The following NTNG1 variants were observed in gnomAD, a reference collection of about 807,000 sequenced individuals.
NTNG1 encodes the protein netrin G1.
A neutral mutation model predicts 54.0 loss-of-function variants in NTNG1; 16 were observed. That is an observed-to-expected ratio of 0.30 (90% CI 0.20 to 0.45). The LOEUF (loss-of-function observed/expected upper bound fraction) is 0.45, where lower values mean the gene tolerates loss of function less well. Ranked by LOEUF, NTNG1 falls within the 20% of genes least tolerant of loss-of-function variation. NTNG1 has a pLI of 1.00. For synonymous variants in NTNG1, 255 were observed against 263.1 expected (o/e 0.97, Z 0.30); for missense variants, 530 against 678.7 (o/e 0.78, Z 2.43).
At chr1:107,445,227 T>C (rs1197636462) in intron 7 of NTNG1, among the ~76,000 whole-genome samples, 1 of 152,022 alleles carries the variant, frequency 6.6e-6, no homozygotes, top group Non-Finnish European at 1.5e-5. Context: ...GGGGTCTTGT[T>C]CTAGGTGTAA....
At chr1:107,167,000 A>G (rs1655846667) in intron 2 of NTNG1, among the ~76,000 whole-genome samples, 1 of 152,156 alleles carries the variant, frequency 6.6e-6, no homozygotes, top group South Asian at 2.1e-4. Flanking sequence ...AACCTGCTCT[A>G]GGTCGTAATC....
At chr1:107,194,678 T>C (rs987295780) in intron 2 of NTNG1, among the ~76,000 whole-genome samples, 7 of 152,058 alleles carry the variant, frequency 4.6e-5, no homozygotes, top group Non-Finnish European at 7.4e-5. Flanking sequence ...TGTTAAGTCT[T>C]CACAATGTTT....
intron 3 of NTNG1, among the ~76,000 whole-genome samples, chr1:107,372,201 A>C (rs1670961986): frequency 6.6e-6 from 1 of 151,888 alleles, no homozygotes; most frequent in South Asian, 2.1e-4. Context: ...CATTAAGCAT[A>C]CTTTGGGCTT....
At chr1:107,363,769 A>G (rs913110759) in intron 3 of NTNG1, among the ~76,000 whole-genome samples, 5 of 152,202 alleles carry the variant, frequency 3.3e-5, no homozygotes, top group African/African-American at 1.2e-4. Flanking sequence ...TCTGAACTCA[A>G]TTCAATTTAA....
intron 2 of NTNG1, among the ~76,000 whole-genome samples, chr1:107,211,484 A>C (rs1659594391): frequency 6.6e-6 from 1 of 152,162 alleles, no homozygotes; most frequent in African/African-American, 2.4e-5. Flanking sequence ...CACCACACCT[A>C]GTACAATGAT....
intron 7 of NTNG1, among the ~76,000 whole-genome samples, chr1:107,447,282 T>A (rs1030704800): frequency 3.3e-5 from 5 of 152,200 alleles, no homozygotes; most frequent in Admixed American, 1.3e-4. Context: ...ACAACTACTA[T>A]GTTCCCACAG....
chr1:107,317,522 T>A (rs1481364918), intron 2 of NTNG1, among the ~76,000 whole-genome samples: 2 of 152,188 alleles, frequency 1.3e-5, no homozygotes, highest in Non-Finnish European at 2.9e-5. Context: ...TAATTGACAT[T>A]GCTATATAGG....
At chr1:107,470,773 T>G (rs963239707) in intron 7 of NTNG1, among the ~76,000 whole-genome samples, 29 of 152,228 alleles carry the variant, frequency 1.9e-4, no homozygotes, top group Admixed American at 1.6e-3. Flanking sequence ...TATGAGAACC[T>G]TGTCTGTGTC....
chr1:107,361,537 C>T (rs892161935), intron 3 of NTNG1, among the ~76,000 whole-genome samples: 3 of 151,388 alleles, frequency 2.0e-5, no homozygotes, highest in Non-Finnish European at 4.4e-5. Context: ...TGCAGGCATG[C>T]ACCACTATGC....
At chr1:107,480,170 G>A (rs527269937) in intron 7 of NTNG1, among the ~76,000 whole-genome samples, 1 of 151,768 alleles carries the variant, frequency 6.6e-6, no homozygotes, top group Non-Finnish European at 1.5e-5. Context: ...CCCCTTAGAG[G>A]TTTTTGGTCA....
intron 3 of NTNG1, among the ~76,000 whole-genome samples, chr1:107,333,540 T>C (rs150386506): frequency 3.3e-5 from 5 of 152,068 alleles, no homozygotes; most frequent in Middle Eastern, 3.4e-3. Context: ...TCAAAAAACA[T>C]ATATTAGTAC....
intron 2 of NTNG1, among the ~76,000 whole-genome samples, chr1:107,263,267 AGCTT>A (rs1447842606): frequency 5.8e-4 from 84 of 144,552 alleles, no homozygotes; most frequent in African/African-American, 2.1e-3. Context: ...GTTCTAGGTT[AGCTT>A]GCTTCCTTCC....
At chr1:107,411,014 C>G (rs1673763116) in intron 5 of NTNG1, among the ~76,000 whole-genome samples, 1 of 152,050 alleles carries the variant, frequency 6.6e-6, no homozygotes, top group South Asian at 2.1e-4. Flanking sequence ...ATTTCGAACT[C>G]TTGGAGTTTT....
At chr1:107,419,463 G>T (rs1386834016) in intron 5 of NTNG1, among the ~76,000 whole-genome samples, 3 of 151,792 alleles carry the variant, frequency 2.0e-5, no homozygotes, top group Non-Finnish European at 2.9e-5. Flanking sequence ...ATGTGATTAC[G>T]CAGGAAGAAA....
intron 3 of NTNG1, among the ~76,000 whole-genome samples, chr1:107,362,032 A>G (rs1366158430): frequency 6.6e-6 from 1 of 152,108 alleles, no homozygotes; most frequent in Non-Finnish European, 1.5e-5. Context: ...AGAAAGCGTG[A>G]AGCTCATCCC....
intron 2 of NTNG1, among the ~76,000 whole-genome samples, chr1:107,319,611 G>A (rs56939432): frequency 0.065 from 9,866 of 152,162 alleles, 473 homozygotes; most frequent in African/African-American, 0.13. Context: ...TAAGCCAGAT[G>A]CAAATGGGTG....
At chr1:107,403,374 T>G (rs1673168670) in intron 4 of NTNG1, among the ~76,000 whole-genome samples, 2 of 152,222 alleles carry the variant, frequency 1.3e-5, no homozygotes, top group Non-Finnish European at 2.9e-5. Context: ...AGAAGAAGCG[T>G]TATTATTAAA....
chr1:107,421,329 G>A (rs538117191), intron 5 of NTNG1, among the ~76,000 whole-genome samples: 1 of 152,142 alleles, frequency 6.6e-6, no homozygotes, highest in African/African-American at 2.4e-5. Flanking sequence ...GCTTCACTCA[G>A]AAACTTGACT....
intron 3 of NTNG1, among the ~76,000 whole-genome samples, chr1:107,347,022 C>A (rs934506435): frequency 6.6e-5 from 10 of 150,542 alleles, no homozygotes; most frequent in Non-Finnish European, 1.5e-5. Flanking sequence ...GAATAAAGAA[C>A]AAGGCAAAGC....
Sources: allele counts gnomAD v4.1 joint callset (sites outside exome capture counted in the v4.1 genomes callset), GRCh38; gene constraint gnomAD v4.1.1; transcripts MANE v1.5; gene names NCBI Gene and HGNC (gene_info 2026-07-23, HGNC 2026-07-21).